The following TOP2A variants were observed in gnomAD, a reference collection of about 807,000 sequenced individuals.
The protein encoded by TOP2A is DNA topoisomerase 2-alpha.
In TOP2A, 68 loss-of-function variants were observed where a neutral mutation model predicts 187.2. The observed-to-expected ratio is 0.36, with a 90% CI of 0.30 to 0.44. TOP2A has a LOEUF of 0.44. TOP2A is among the 20% of genes least tolerant of loss of function. TOP2A has a pLI of 1.00. For missense variants in TOP2A, 1,196 were observed against 1,808.7 expected, an observed-to-expected ratio of 0.66 and a Z score of 6.14; for synonymous variants, 542 against 593.2, an observed-to-expected ratio of 0.91 and a Z score of 1.25.
intron 13 of TOP2A, among the ~76,000 whole-genome samples, chr17:40,407,200 G>C (rs2035259658): frequency 6.6e-6 from 1 of 152,144 alleles, no homozygotes; most frequent in Non-Finnish European, 1.5e-5. Flanking sequence ...TGAGGCGGAG[G>C]TTGCAGTGAG....
chr17:40,404,239 A>C lies in TOP2A; in HGVS notation c.2196T>G (p.Thr732=). The change falls in exon 19 of 35, where the codon ACT becomes ACG. Residue 732 remains threonine (T), a synonymous_variant. Transcript: ENST00000423485. ...LKPGQRKVLF[T]CFKRNDKREV... ...CTCGCTTGTCATTCCGTTTGAAGCAAGTAAACAAAACCTTTCTCTGACCTG... is the reference window on the plus strand; with the variant it reads ...CTCGCTTGTCATTCCGTTTGAAGCACGTAAACAAAACCTTTCTCTGACCTG... The C allele has an allele frequency of 6.2e-7, 1 of 1,613,892 alleles. No individual in the cohort carries two copies. The highest frequency in any genetic ancestry group is 8.5e-7 in the Non-Finnish European group (1 of 1,179,854).
At chr17:40,409,643 C>T in intron 10 of TOP2A, 1 of 263,880 alleles carries the variant, frequency 3.8e-6, no homozygotes, top group South Asian at 3.6e-5. Context: ...TCTGTAATCC[C>T]CGCTACTCAG....
rs2035413556 is a variant in TOP2A at position 40,417,894 on chromosome 17, G to A, written c.-103C>T. 9.9e-6 allele frequency: 15 copies of A among 1,521,838 alleles called. No individual in the cohort carries two copies. Among genetic ancestry groups the A allele is most frequent in the Non-Finnish European group, 1.3e-5 (15 of 1,112,366 alleles). 94.3% of individuals were successfully genotyped at this position (1,521,838 alleles called of 1,614,324 possible). ...GCCGCTTCTCCACAGACGCGCGTCG[G>A]TTAGGAGAGCTCCACTTGAACCTTC... is the stretch of plus-strand genomic sequence containing the variant. On this transcript the variant is annotated 5_prime_UTR_variant, in exon 1 of 35. Transcript: ENST00000423485.
At position 40,411,569 on chromosome 17, in the gene TOP2A, A is replaced by C; in HGVS notation, c.963+76T>G. On this transcript the variant is annotated intron_variant, in intron 8 of 34. Transcript: ENST00000423485. The surrounding 1 kb of genome is among the most constrained non-coding windows in gnomAD (Gnocchi z 4.4). ...CTAAGCTAGCCCAATATTCAAGTCC[A>C]CTTTATATATTAAAAACAATAAGAA... 6.4e-7 allele frequency: 1 copy of C among 1,553,588 alleles called. No homozygotes were observed. Among genetic ancestry groups the C allele is most frequent in the Non-Finnish European group, 8.8e-7 (1 of 1,131,202 alleles).
At chr17:40,400,803 G>A (rs773135117) in intron 21 of TOP2A, 47 bp downstream of exon 21, 2 of 1,589,004 alleles carry the variant, frequency 1.3e-6, no homozygotes, top group Admixed American at 3.4e-5. Flanking sequence ...CTATTCAACT[G>A]AAACCCAAGG....
rs749640719 is a variant in TOP2A at position 40,406,825 on chromosome 17, A to T, written c.1737+7T>A. The stretch of plus-strand genomic sequence containing the variant: ...ATATCCATGATGGTACTTAGAAATT[A>T]GCGTACCTTTACAATGGGAGTGATA... On this transcript the variant is annotated splice_region_variant and intron_variant, in intron 14 of 34. Transcript: ENST00000423485. 1 of 1,595,992 alleles carries T rather than the reference A, an allele frequency of 6.3e-7. No individual in the cohort carries two copies. Among genetic ancestry groups the T allele is most frequent in the Admixed American group, 1.7e-5 (1 of 57,924 alleles).
intron 10 of TOP2A, chr17:40,409,087 G>A (rs914727318): frequency 1.8e-5 from 6 of 335,112 alleles, no homozygotes; most frequent in East Asian, 8.3e-5. Context: ...CCAGCTACTC[G>A]GGAGGCTGAG....
At chr17:40,396,146 A>AT (rs913852308) in intron 28 of TOP2A, 137 bp downstream of exon 28, 4 of 521,632 alleles carry the variant, frequency 7.7e-6, no homozygotes, top group Non-Finnish European at 1.3e-5. Flanking sequence ...TGCCCGCCTA[A>AT]TTTTTTTAAT....
intron 2 of TOP2A, 81 bp from the exon 3 acceptor site, chr17:40,416,593 AT>A: frequency 7.0e-7 from 1 of 1,419,402 alleles, no homozygotes; most frequent in Non-Finnish European, 9.9e-7. Flanking sequence ...AAGTGTTCAT[AT>A]TAAGTATTAC....
chr17:40,402,235 G>A (rs2035191609), intron 20 of TOP2A, among the ~76,000 whole-genome samples: 2 of 152,208 alleles, frequency 1.3e-5, no homozygotes, highest in African/African-American at 4.8e-5. Context: ...TTAGACTTAT[G>A]TTTGAGATAC....
In TOP2A at chr17:40,408,111, G is replaced by A. The variant is rs1191788985; in HGVS notation, c.1356C>T (p.Ser452=). 6 of 1,597,960 alleles carry A rather than the reference G, an allele frequency of 3.8e-6. No individual in the cohort carries two copies. Among genetic ancestry groups the A allele is most frequent in the South Asian group, 1.1e-5 (1 of 87,936 alleles). The change falls in exon 12 of 35, where the codon TCC becomes TCT. Residue 452 remains serine, a synonymous_variant. Transcript: ENST00000423485. ...DDANDAGGRN[S]TECTLILTEG... is the part of the protein sequence containing the mutation. ...CAGTCAGGATAAGCGTACACTCAGTGGAGTTTCGGCCCCCTAAAATAAAAA... is the reference window on the plus strand; with the variant it reads ...CAGTCAGGATAAGCGTACACTCAGTAGAGTTTCGGCCCCCTAAAATAAAAA...
At position 40,406,570 on chromosome 17, in the gene TOP2A, G is replaced by C. The variant is rs1181301805; in HGVS notation, c.1843+14C>G. ...TAATAAAATGAGAAGTTCTATATGG[G>C]TTTCATTACAAACCTTTGTAATATT... On this transcript the variant is annotated intron_variant, in intron 15 of 34. Coordinates refer to ENST00000423485, the MANE Select transcript of TOP2A (RefSeq NM_001067.4). 3.7e-6 allele frequency: 6 copies of C among 1,604,898 alleles called. No individual in the cohort carries two copies. Among genetic ancestry groups the C allele is most frequent in the Non-Finnish European group, 4.3e-6 (5 of 1,173,466 alleles).
At chr17:40,405,785 G>A (rs2035236806) in intron 16 of TOP2A, among the ~76,000 whole-genome samples, 1 of 148,158 alleles carries the variant, frequency 6.7e-6, no homozygotes. Flanking sequence ...CTTTTTTTTT[G>A]AGATGGAGTC....
At chr17:40,397,696 C>T (rs1174970542) in intron 27 of TOP2A, among the ~76,000 whole-genome samples, 1 of 152,080 alleles carries the variant, frequency 6.6e-6, no homozygotes, top group Non-Finnish European at 1.5e-5. Flanking sequence ...CAAAAATCAA[C>T]TCCTGCTCTT....
intron 12 of TOP2A, 140 bp from the exon 13 acceptor site, chr17:40,407,814 C>A (rs1353524636): frequency 8.5e-7 from 1 of 1,178,272 alleles, no homozygotes; most frequent in Non-Finnish European, 1.2e-6. Flanking sequence ...TCAGAAAGGT[C>A]TGTTAAAATA....
chr17:40,402,521 G>C (rs1185213098), intron 20 of TOP2A, among the ~76,000 whole-genome samples: 1 of 152,184 alleles, frequency 6.6e-6, no homozygotes, highest in Non-Finnish European at 1.5e-5. Context: ...CAAATAAAGA[G>C]TTTCAAGAAG....
intron 1 of TOP2A, 87 bp from the exon 2 acceptor site, chr17:40,416,982 G>T: frequency 8.7e-7 from 1 of 1,153,296 alleles, no homozygotes; most frequent in Non-Finnish European, 1.2e-6. Context: ...ACCATAGTGA[G>T]ATGTCAACAT....
chr17:40,395,631 C>T (rs2035086321), intron 28 of TOP2A, 92 bp from the exon 29 acceptor site: 1 of 847,540 alleles, frequency 1.2e-6, no homozygotes, highest in Non-Finnish European at 1.8e-6. Flanking sequence ...AGCGGTGGCT[C>T]ACGCCTGTAA....
Position 40,406,588 on chromosome 17 carries a change from G to A in TOP2A, c.1839C>T (p.Tyr613=). ...TATATGGGTTTCATTACAAACCTTT[G>A]TAATATTTGACTTTCCATTTTTTAT... ...PNHKKWKVKY[Y]KGLGTSTSKE... The change falls in exon 15 of 35, where the codon TAC becomes TAT. Residue 613 remains tyrosine, a synonymous_variant. Transcript: ENST00000423485. 1 of 1,611,100 alleles carries A rather than the reference G, an allele frequency of 6.2e-7. No homozygotes were observed. The highest frequency in any genetic ancestry group is 8.5e-7 in the Non-Finnish European group (1 of 1,178,230).
Sources: gnomAD v4.1 joint callset for allele counts (sites outside exome capture counted in the v4.1 genomes callset) on GRCh38, gnomAD v4.1.1 for gene constraint, Gnocchi (gnomAD v3.1) non-coding constraint, MANE v1.5 for transcripts, NCBI Gene and HGNC (gene_info 2026-07-23, HGNC 2026-07-21) for gene names.